TIAM2: variants seen among roughly 807,000 people sequenced by gnomAD.
The protein encoded by TIAM2 is rho guanine nucleotide exchange factor TIAM2.
Under a neutral mutation model 152.9 loss-of-function variants are expected in TIAM2, and 80 were observed. The observed-to-expected ratio is 0.52, with a 90% CI of 0.44 to 0.63. TIAM2 has a LOEUF of 0.63. Among genes scored for constraint, TIAM2 ranks in the 30% least tolerant of loss-of-function variants. The pLI, the probability that TIAM2 is intolerant of heterozygous loss-of-function variation, is 0.00. For missense variants in TIAM2, 1,965 were observed against 2,120.1 expected (o/e 0.93, Z 1.44); for synonymous variants, 804 against 838.0 (o/e 0.96, Z 0.70).
At chr6:155,216,187 TC>T (rs771531665) in intron 15 of TIAM2, among the ~76,000 whole-genome samples, 17 of 151,830 alleles carry the variant, frequency 1.1e-4, no homozygotes, top group Non-Finnish European at 2.4e-4. Flanking sequence ...TTTTTGGGAC[TC>T]CCCCCGCCCC....
At chr6:155,006,961 G>A (rs1193800085) in intron 1 of TIAM2, among the ~76,000 whole-genome samples, 1 of 152,168 alleles carries the variant, frequency 6.6e-6, no homozygotes. Flanking sequence ...AAAGTGTTGG[G>A]ATTACAGGCA....
Position 155,254,481 on chromosome 6 carries a change from G to A in TIAM2, c.4376G>A (p.Arg1459Lys). 6.2e-7 allele frequency: 1 copy of A among 1,614,132 alleles called. No homozygotes were observed. Among genetic ancestry groups the A allele is most frequent in the Non-Finnish European group, 8.5e-7 (1 of 1,179,990 alleles). The change falls in exon 26 of 27, where the codon AGG becomes AAG. Residue 1459 changes from arginine (R) to lysine (K), a missense_variant. Arg to Lys is a conservative substitution (Grantham distance 26, BLOSUM62 2). Transcript: ENST00000682666. ...CGTTCTATTCTGAGGGAGAACTTCA[G>A]GCGTCACATAAAGTGTGAATTACCA... The part of the protein sequence containing the change: ...VIRSILRENF[R>K]RHIKCELPLE...
chr6:155,023,091 T>G (rs1776532102), intron 1 of TIAM2, among the ~76,000 whole-genome samples: 1 of 152,094 alleles, frequency 6.6e-6, no homozygotes, highest in South Asian at 2.1e-4. Flanking sequence ...TTCATCTTTT[T>G]TCTTGGCAAA....
At chr6:155,144,578 G>T (rs761286658) in intron 5 of TIAM2, 28 bp from the exon 6 acceptor site, 22 of 1,491,106 alleles carry the variant, frequency 1.5e-5, no homozygotes, top group Non-Finnish European at 1.9e-5. Context: ...GTCTGACCGG[G>T]ATGTTATTTT....
At chr6:155,151,802 C>T (rs1427268550) in intron 7 of TIAM2, among the ~76,000 whole-genome samples, 1 of 149,844 alleles carries the variant, frequency 6.7e-6, no homozygotes, top group African/African-American at 2.4e-5. Context: ...TAACAGGGTA[C>T]ATAATTTTCT....
intron 9 of TIAM2, among the ~76,000 whole-genome samples, chr6:155,168,675 A>G (rs914174330): frequency 2.0e-5 from 3 of 152,206 alleles, no homozygotes; most frequent in Non-Finnish European, 4.4e-5. Context: ...GTAAAACGTA[A>G]CTATGCGGGA....
intron 2 of TIAM2, among the ~76,000 whole-genome samples, chr6:155,095,867 A>G (rs1051531575): frequency 5.3e-5 from 8 of 152,188 alleles, no homozygotes; most frequent in African/African-American, 1.9e-4. Flanking sequence ...CACTTTCTCC[A>G]ATGTTCCAAT....
At chr6:155,141,422 T>C (rs1457903163) in intron 5 of TIAM2, among the ~76,000 whole-genome samples, 1 of 149,800 alleles carries the variant, frequency 6.7e-6, no homozygotes, top group African/African-American at 2.5e-5. Flanking sequence ...CACACACTCT[T>C]AAGCCTAATT....
chr6:155,004,991 C>T, intron 1 of TIAM2: 1 of 445,360 alleles, frequency 2.2e-6, no homozygotes, highest in East Asian at 7.6e-5. Flanking sequence ...TTACCTTAAG[C>T]CATTTGCCCC....
intron 18 of TIAM2, 55 bp from the exon 19 acceptor site, chr6:155,245,568 C>A: frequency 2.1e-6 from 3 of 1,429,914 alleles, no homozygotes; most frequent in Non-Finnish European, 3.0e-6. Flanking sequence ...ATGCCATAAG[C>A]CAGCACGCAT....
At chr6:155,161,364 GA>G (rs1226983997) in intron 7 of TIAM2, among the ~76,000 whole-genome samples, 3 of 152,060 alleles carry the variant, frequency 2.0e-5, no homozygotes, top group African/African-American at 7.2e-5. Context: ...TTTTTTTGTA[GA>G]GACAGGGTTT....
intron 1 of TIAM2, among the ~76,000 whole-genome samples, chr6:155,064,551 G>A (rs772048880): frequency 6.6e-6 from 1 of 152,330 alleles, no homozygotes; most frequent in South Asian, 2.1e-4. Context: ...CGGCACCACA[G>A]GAGGTGTCTT....
At chr6:155,144,888 T>C (rs1268048308) in intron 6 of TIAM2, 110 bp downstream of exon 6, 2 of 1,305,692 alleles carry the variant, frequency 1.5e-6, no homozygotes, top group Non-Finnish European at 2.1e-6. Context: ...TTAGTTAGGC[T>C]TTGGATTTGG....
At chr6:155,145,627 A>C (rs1016897406) in intron 6 of TIAM2, among the ~76,000 whole-genome samples, 6 of 152,192 alleles carry the variant, frequency 3.9e-5, no homozygotes, top group African/African-American at 1.4e-4. Flanking sequence ...CCAGCACTTG[A>C]CATACACACA....
intron 1 of TIAM2, among the ~76,000 whole-genome samples, chr6:155,061,673 A>G (rs9322497): frequency 0.3 from 45,236 of 151,932 alleles, 7,268 homozygotes; most frequent in Non-Finnish European, 0.37. Context: ...CAGTCTGAAT[A>G]GTGGGTTCCA....
At chr6:155,069,577 C>A (rs1044815323) in intron 1 of TIAM2, among the ~76,000 whole-genome samples, 4 of 151,730 alleles carry the variant, frequency 2.6e-5, no homozygotes, top group Non-Finnish European at 4.4e-5. Flanking sequence ...AAGGTGGGCA[C>A]CCAAATAAGA....
rs752886695 is a variant in TIAM2 at position 155,124,860 on chromosome 6, C to CT, written c.-117-2614dup. On this transcript the variant is annotated intron_variant, in intron 2 of 26. Coordinates refer to ENST00000682666, the MANE Select transcript of TIAM2 (RefSeq NM_012454.4). Reference sequence around the variant, plus strand: ...ATGGCCAAGTGGAAAATCTATTTGACTTTTTTTTTTTTTTTTAATTTAAAA... The same window carrying CT: ...ATGGCCAAGTGGAAAATCTATTTGACTTTTTTTTTTTTTTTTTAATTTAAAA... 4.1e-3 allele frequency among the ~76,000 whole-genome samples: 583 copies of CT among 141,420 alleles called. 1 individual carries two copies. Among genetic ancestry groups the CT allele is most frequent in the African/African-American group, 9.4e-3 (368 of 39,004 alleles). 92.8% of individuals were successfully genotyped at this position (141,420 alleles called of 152,430 possible).
In TIAM2 at chr6:155,183,409, C is replaced by T. The variant is rs1195898635; in HGVS notation, c.2973C>T (p.Phe991=). ...CATCCTGGTCAGACAGTGACCTGTT[C>T]TCCAGGGACCAGAAGAGTCTGCTGC... ...LCTSWSDSDL[F]SRDQKSLLPP... Residue 991 remains phenylalanine (F), a synonymous_variant, in exon 14 of 27, where the codon TTC becomes TTT. Transcript: ENST00000682666. The T allele has an allele frequency of 1.2e-6, 2 of 1,614,184 alleles. No individual in the cohort carries two copies. Among genetic ancestry groups the T allele is most frequent in the East Asian group, 2.2e-5 (1 of 44,884 alleles).
intron 5 of TIAM2, among the ~76,000 whole-genome samples, chr6:155,139,855 G>A (rs532679677): frequency 4.8e-4 from 73 of 152,170 alleles, no homozygotes; most frequent in African/African-American, 1.7e-3. Flanking sequence ...CTGCAGAATC[G>A]CTTGAACCTG....
Sources: allele counts gnomAD v4.1 joint callset (sites outside exome capture counted in the v4.1 genomes callset), GRCh38; gene constraint gnomAD v4.1.1; transcripts MANE v1.5; gene names NCBI Gene and HGNC (gene_info 2026-07-23, HGNC 2026-07-21).